The following SIPA1L2 variants were observed in gnomAD, a reference collection of about 807,000 sequenced individuals.
The protein encoded by SIPA1L2 is signal induced proliferation associated 1 like 2, also known as signal-induced proliferation-associated 1-like protein 2.
SIPA1L2 carries 56 observed loss-of-function variants against 163.9 expected under a neutral mutation model. The ratio of observed to expected loss-of-function variants is 0.34; its 90% CI spans 0.28 to 0.43. The LOEUF (loss-of-function observed/expected upper bound fraction) is 0.43. Ranked by LOEUF, SIPA1L2 falls within the 20% of genes least tolerant of loss-of-function variation. SIPA1L2 has a pLI of 1.00. For missense variants in SIPA1L2, 1,974 were observed against 2,193.5 expected, an observed-to-expected ratio of 0.90 and a Z score of 2.00; for synonymous variants, 877 against 865.7, an observed-to-expected ratio of 1.01 and a Z score of -0.23.
At chr1:232,595,437 A>T (rs1661207857) in intron 1 of SIPA1L2, among the ~76,000 whole-genome samples, 1 of 152,036 alleles carries the variant, frequency 6.6e-6, no homozygotes, top group Non-Finnish European at 1.5e-5. Flanking sequence ...AAAGCACACC[A>T]CCCTTTGTGC....
chr1:232,515,298 T>A lies in SIPA1L2; in HGVS notation c.42A>T (p.Leu14=). 6.2e-7 allele frequency: 1 copy of A among 1,610,346 alleles called. No homozygotes were observed. The highest frequency in any genetic ancestry group is 8.5e-7 in the Non-Finnish European group (1 of 1,177,790). ...PRQSQEEKHK[L]GRASSKFKDP... is the part of the protein sequence containing the mutation. Reference sequence around the variant, plus strand: ...CCTTGAACTTTGAAGAGGCTCTGCCTAGCTTGTGCTTCTCTTCTTGTGACT... The same window carrying A: ...CCTTGAACTTTGAAGAGGCTCTGCCAAGCTTGTGCTTCTCTTCTTGTGACT... Residue 14 remains leucine (L), a synonymous_variant, in exon 3 of 23, where the codon CTA becomes CTT. Coordinates refer to ENST00000674635, the MANE Select transcript of SIPA1L2 (RefSeq NM_020808.5).
At position 232,515,378 on chromosome 1, in the gene SIPA1L2, CT is replaced by C. The variant is rs1667177054; in HGVS notation, c.-40del. The stretch of plus-strand genomic sequence containing the variant: ...GAGCCTCCAAGTCTCACCAGGAAGA[CT>C]GATGTAAATCTAATTACATTGCTAC... On this transcript the variant is annotated 5_prime_UTR_variant, in exon 3 of 23. Coordinates refer to ENST00000674635, the MANE Select transcript of SIPA1L2 (RefSeq NM_020808.5). 6.5e-7 allele frequency: 1 copy of C among 1,529,894 alleles called. No homozygotes were observed. Among genetic ancestry groups the C allele is most frequent in the South Asian group, 1.3e-5 (1 of 77,054 alleles). The allele number at this position is 1,529,894 out of a possible 1,614,324, so 94.8% of individuals were successfully genotyped here.
intron 10 of SIPA1L2, among the ~76,000 whole-genome samples, chr1:232,455,624 C>T (rs527594302): frequency 2.9e-3 from 209 of 71,694 alleles, no homozygotes; most frequent in Non-Finnish European, 4.3e-3. Flanking sequence ...GAGCTTGCAG[C>T]GAGGCGGAGC....
At chr1:232,563,740 A>G (rs1659176590) in intron 2 of SIPA1L2, among the ~76,000 whole-genome samples, 1 of 152,138 alleles carries the variant, frequency 6.6e-6, no homozygotes, top group South Asian at 2.1e-4. Context: ...TTTATGACGG[A>G]GTCTCGCTCT....
At chr1:232,629,312 G>A (rs899116634) in intron 1 of SIPA1L2, among the ~76,000 whole-genome samples, 32 of 152,214 alleles carry the variant, frequency 2.1e-4, no homozygotes, top group African/African-American at 7.7e-4. Flanking sequence ...ACCCGGAGAG[G>A]CCCAGGAGCT....
rs76970944 is a variant in SIPA1L2, at chr1:232,471,926, G to A, written c.2086-398C>T. Among the ~76,000 whole-genome samples, 1,087 of 152,254 alleles carry A rather than the reference G, an allele frequency of 7.1e-3. 14 individuals are homozygous for A. The highest frequency in any genetic ancestry group is 0.025 in the African/African-American group (1,023 of 41,552). ...CTGAAAAGTCCTACACTATCACACCGGCGGGCTTCAGCTTGTATCCTGTGC... is the reference window on the plus strand; with the variant it reads ...CTGAAAAGTCCTACACTATCACACCAGCGGGCTTCAGCTTGTATCCTGTGC... On this transcript the variant is annotated intron_variant, in intron 7 of 22. Transcript: ENST00000674635.
At position 232,586,653 on chromosome 1, in the gene SIPA1L2, T is replaced by C. The variant is rs544924669; in HGVS notation, c.-318-12431A>G. 2.6e-5 allele frequency among the ~76,000 whole-genome samples: 4 copies of C among 152,348 alleles called. No individual in the cohort carries two copies. In the South Asian group the frequency reaches 6.2e-4, roughly 24 times the overall value. On this transcript the variant is annotated intron_variant, in intron 1 of 22. Coordinates refer to ENST00000674635, the MANE Select transcript of SIPA1L2 (RefSeq NM_020808.5). Reference sequence around the variant, plus strand: ...AAAAGCTTCTATAGAAATAACAAGATATTCTTCTAGGCATGAAAGCTTTCT... The same window carrying C: ...AAAAGCTTCTATAGAAATAACAAGACATTCTTCTAGGCATGAAAGCTTTCT...
At chr1:232,554,516 C>T (rs142030336) in intron 2 of SIPA1L2, among the ~76,000 whole-genome samples, 2,126 of 152,306 alleles carry the variant, frequency 0.014, 37 homozygotes, top group Non-Finnish European at 0.018. Context: ...AAAAATAGTT[C>T]CCTTTAGTCT....
chr1:232,436,698 G>A (rs771381470), intron 15 of SIPA1L2, among the ~76,000 whole-genome samples: 1 of 152,280 alleles, frequency 6.6e-6, no homozygotes, highest in African/African-American at 2.4e-5. Flanking sequence ...TTGGTCCCTC[G>A]TCCTCTAATG....
intron 2 of SIPA1L2, among the ~76,000 whole-genome samples, chr1:232,572,653 C>T (rs950905141): frequency 7.5e-6 from 1 of 133,916 alleles, no homozygotes; most frequent in Non-Finnish European, 1.6e-5. Context: ...AAATGTTTAT[C>T]GTCAAATACA....
intron 3 of SIPA1L2, among the ~76,000 whole-genome samples, chr1:232,504,439 G>A (rs190206587): frequency 1.6e-4 from 25 of 152,034 alleles, no homozygotes; most frequent in Non-Finnish European, 3.2e-4. Context: ...TCGGGAGGCT[G>A]AGGCACGAGA....
At chr1:232,557,100 G>C (rs1427632387) in intron 2 of SIPA1L2, among the ~76,000 whole-genome samples, 1 of 152,200 alleles carries the variant, frequency 6.6e-6, no homozygotes, top group Non-Finnish European at 1.5e-5. Flanking sequence ...TAGGAGGTGA[G>C]AGGCTGACAC....
chr1:232,418,392 A>G (rs1384306245), intron 18 of SIPA1L2, among the ~76,000 whole-genome samples: 1 of 152,208 alleles, frequency 6.6e-6, no homozygotes, highest in East Asian at 1.9e-4. Context: ...GTTTCCTGAC[A>G]GTCTTGAGTG....
intron 1 of SIPA1L2, among the ~76,000 whole-genome samples, chr1:232,585,826 A>G (rs1481185267): frequency 6.6e-6 from 1 of 152,246 alleles, no homozygotes; most frequent in Non-Finnish European, 1.5e-5. Flanking sequence ...TCAAGATGGC[A>G]GGTTTGGTAA....
At chr1:232,591,468 G>A (rs1298581428) in intron 1 of SIPA1L2, among the ~76,000 whole-genome samples, 1 of 152,252 alleles carries the variant, frequency 6.6e-6, no homozygotes, top group Non-Finnish European at 1.5e-5. Flanking sequence ...GAGCCCTTGG[G>A]CCAGGAGCCC....
At chr1:232,500,875 A>G (rs1666431990) in intron 3 of SIPA1L2, among the ~76,000 whole-genome samples, 1 of 152,104 alleles carries the variant, frequency 6.6e-6, no homozygotes, top group African/African-American at 2.4e-5. Context: ...AAAAAGATTC[A>G]ATCAATGTGG....
chr1:232,513,325 C>T (rs986555805), intron 3 of SIPA1L2, among the ~76,000 whole-genome samples: 1 of 152,184 alleles, frequency 6.6e-6, no homozygotes, highest in African/African-American at 2.4e-5. Context: ...TTAAGCCCAT[C>T]TATAGAACTA....
chr1:232,513,679 T>A (rs573839489), intron 3 of SIPA1L2, among the ~76,000 whole-genome samples, 178 bp downstream of exon 3: 1 of 152,284 alleles, frequency 6.6e-6, no homozygotes, highest in African/African-American at 2.4e-5. Context: ...TGCAGTTTTC[T>A]AAAGAAAAAA....
At chr1:232,614,872 C>G (rs1662422855) in intron 1 of SIPA1L2, among the ~76,000 whole-genome samples, 1 of 152,176 alleles carries the variant, frequency 6.6e-6, no homozygotes, top group Non-Finnish European at 1.5e-5. Context: ...ATCCTTATCA[C>G]TAAGTTTTCA....
Sources: allele counts gnomAD v4.1 joint callset (sites outside exome capture counted in the v4.1 genomes callset), GRCh38; gene constraint gnomAD v4.1.1; transcripts MANE v1.5; gene names NCBI Gene and HGNC (gene_info 2026-07-23, HGNC 2026-07-21).